The following CTNNBL1 variants were observed in gnomAD, a reference collection of about 807,000 sequenced individuals.
The protein encoded by CTNNBL1 is beta-catenin-like protein 1.
Under a neutral mutation model 72.7 loss-of-function variants are expected in CTNNBL1, and 31 were observed. The ratio of observed to expected loss-of-function variants is 0.43; its 90% CI spans 0.32 to 0.58. CTNNBL1 has a LOEUF of 0.58. Among genes scored for constraint, CTNNBL1 ranks in the 20% least tolerant of loss-of-function variants. CTNNBL1 has a pLI of 0.08. For missense variants in CTNNBL1, 534 were observed against 725.1 expected (o/e 0.74, Z 3.03); for synonymous variants, 240 against 267.3 (o/e 0.90, Z 1.00).
chr20:37,770,083 C>CT (rs1268625052), intron 7 of CTNNBL1, among the ~76,000 whole-genome samples: 4 of 152,228 alleles, frequency 2.6e-5, no homozygotes, highest in Non-Finnish European at 5.9e-5. Flanking sequence ...TCAGTAAACT[C>CT]TAACTCCCTC....
At chr20:37,724,387 C>T (rs372889335) in intron 1 of CTNNBL1, among the ~76,000 whole-genome samples, 4 of 151,552 alleles carry the variant, frequency 2.6e-5, no homozygotes, top group African/African-American at 4.9e-5. Flanking sequence ...TAAATGTGAG[C>T]GAGACTAGAA....
chr20:37,784,517 A>G (rs1391512438), intron 10 of CTNNBL1, among the ~76,000 whole-genome samples: 3 of 152,218 alleles, frequency 2.0e-5, no homozygotes, highest in Non-Finnish European at 2.9e-5. Context: ...TGACATTACC[A>G]TGAGGCTTGC....
Position 37,779,344 on chromosome 20 carries a change from C to G in CTNNBL1, c.1031+9C>G. The G allele has an allele frequency of 1.9e-6, 3 of 1,612,506 alleles. No homozygotes were observed. The highest frequency in any genetic ancestry group is 1.7e-6 in the Non-Finnish European group (2 of 1,178,796). ...ATGAATCTCATGCTCAGGTATGTTT[C>G]GAATGCCCTAGTTCTCCCACCTTTT... On this transcript the variant is annotated intron_variant, in intron 10 of 15. Coordinates refer to ENST00000361383, the MANE Select transcript of CTNNBL1 (RefSeq NM_030877.5).
chr20:37,701,214 G>C (rs2072838863), intron 1 of CTNNBL1, among the ~76,000 whole-genome samples: 1 of 151,946 alleles, frequency 6.6e-6, no homozygotes, highest in African/African-American at 2.4e-5. Context: ...TTTAATATTT[G>C]CATACTTTTT....
chr20:37,783,712 A>C lies in CTNNBL1; in HGVS notation c.1031+4377A>C, dbSNP rs1424281328. 4.6e-5 allele frequency among the ~76,000 whole-genome samples: 7 copies of C among 152,348 alleles called. No individual in the cohort carries two copies. The South Asian group carries it at 1.4e-3, about 32-fold the overall frequency. On this transcript the variant is annotated intron_variant, in intron 10 of 15. Transcript: ENST00000361383. ...TTTCTAGTTTTTTTCCATTGTGATC[A>C]GAGAAGATACTTGACAGAATTTCAG...
At chr20:37,711,132 A>T (rs1452863917) in intron 1 of CTNNBL1, among the ~76,000 whole-genome samples, 1 of 152,158 alleles carries the variant, frequency 6.6e-6, no homozygotes, top group African/African-American at 2.4e-5. Flanking sequence ...GGCCCATCTG[A>T]TCCTCCTGTG....
intron 1 of CTNNBL1, among the ~76,000 whole-genome samples, chr20:37,695,673 CTG>C (rs1222146397): frequency 6.6e-6 from 1 of 152,222 alleles, no homozygotes; most frequent in East Asian, 1.9e-4. Flanking sequence ...CTGGCAGTCT[CTG>C]TTTTGCTACT....
At chr20:37,696,912 T>C (rs976235032) in intron 1 of CTNNBL1, among the ~76,000 whole-genome samples, 3 of 152,118 alleles carry the variant, frequency 2.0e-5, no homozygotes, top group African/African-American at 7.2e-5. Context: ...CCGGGTGTGG[T>C]AGCTCATGCC....
chr20:37,862,350 TC>T (rs1223405940), intron 15 of CTNNBL1, among the ~76,000 whole-genome samples: 1 of 152,166 alleles, frequency 6.6e-6, no homozygotes. Flanking sequence ...TTGAGCCTTC[TC>T]CCTGCACCTC....
At chr20:37,771,182 A>C (rs1046157746) in intron 7 of CTNNBL1, among the ~76,000 whole-genome samples, 1 of 152,248 alleles carries the variant, frequency 6.6e-6, no homozygotes, top group Non-Finnish European at 1.5e-5. Context: ...TAAAGAGGTT[A>C]TAGCAGTGGG....
chr20:37,760,258 T>G (rs2073404137), intron 5 of CTNNBL1, among the ~76,000 whole-genome samples: 1 of 152,174 alleles, frequency 6.6e-6, no homozygotes, highest in South Asian at 2.1e-4. Context: ...TTGGACTTCT[T>G]GAGAATGATG....
intron 7 of CTNNBL1, among the ~76,000 whole-genome samples, chr20:37,773,619 G>C (rs2073545384): frequency 6.6e-6 from 1 of 152,156 alleles, no homozygotes; most frequent in African/African-American, 2.4e-5. Context: ...TTGGCAGTTT[G>C]GTATTGTGCA....
intron 1 of CTNNBL1, among the ~76,000 whole-genome samples, chr20:37,709,374 A>G (rs887410866): frequency 1.3e-5 from 2 of 152,206 alleles, no homozygotes; most frequent in Admixed American, 1.3e-4. Flanking sequence ...ATTTCCAGTT[A>G]AGAGCATCTC....
intron 11 of CTNNBL1, among the ~76,000 whole-genome samples, chr20:37,828,336 C>G (rs1339893241): frequency 4.6e-5 from 7 of 152,184 alleles, no homozygotes; most frequent in Admixed American, 2.6e-4. Flanking sequence ...GAAAGCTTCA[C>G]CACATGAAAC....
intron 4 of CTNNBL1, among the ~76,000 whole-genome samples, chr20:37,749,338 C>T (rs1349678178): frequency 1.3e-5 from 2 of 152,214 alleles, no homozygotes; most frequent in Non-Finnish European, 1.5e-5. Context: ...AAGATACTGA[C>T]ATTTTGCTGA....
rs1205558739 is a variant in CTNNBL1, at chr20:37,871,990, C to T, written c.1669C>T (p.Leu557=). 4 of 1,613,982 alleles carry T rather than the reference C, an allele frequency of 2.5e-6. No homozygotes were observed. The highest frequency in any genetic ancestry group is 3.4e-6 in the Non-Finnish European group (4 of 1,179,984). ...CCGGGAGAACGAGCAAAAGCGCATC[C>T]TGGGCTTGCTGGAGAACTTCTAGAG... ...EFRENEQKRI[L]GLLENF is the part of the protein sequence containing the mutation. The change falls in exon 16 of 16, where the codon CTG becomes TTG. Residue 557 remains leucine, a synonymous_variant. Transcript: ENST00000361383.
intron 15 of CTNNBL1, among the ~76,000 whole-genome samples, chr20:37,863,022 GT>G (rs1272908086): frequency 6.6e-6 from 1 of 152,150 alleles, no homozygotes; most frequent in African/African-American, 2.4e-5. Context: ...TGTTCACTGT[GT>G]CTCCTCAGCA....
chr20:37,805,445 A>G (rs552819861), intron 11 of CTNNBL1, among the ~76,000 whole-genome samples: 74 of 133,524 alleles, frequency 5.5e-4, no homozygotes, highest in Admixed American at 5.9e-4. Flanking sequence ...TGCCCAGGCT[A>G]GAGTGCAGTG....
At chr20:37,815,593 C>T (rs1302541090) in intron 11 of CTNNBL1, among the ~76,000 whole-genome samples, 1 of 152,162 alleles carries the variant, frequency 6.6e-6, no homozygotes, top group Non-Finnish European at 1.5e-5. Flanking sequence ...GCTGGGATTA[C>T]AGGCATGAGC....
Sources: gnomAD v4.1 joint callset for allele counts (sites outside exome capture counted in the v4.1 genomes callset) on GRCh38, gnomAD v4.1.1 for gene constraint, MANE v1.5 for transcripts, NCBI Gene and HGNC (gene_info 2026-07-23, HGNC 2026-07-21) for gene names.